Variants in KIF26B observed in about 807,000 individuals in gnomAD.
KIF26B encodes the protein kinesin-like protein KIF26B.
In KIF26B, 63 loss-of-function variants were observed where a neutral mutation model predicts 151.2. The ratio of observed to expected loss-of-function variants is 0.42; its 90% CI spans 0.34 to 0.51. The LOEUF (loss-of-function observed/expected upper bound fraction) is 0.51, where lower values mean the gene tolerates loss of function less well. Ranked by LOEUF, KIF26B falls within the 20% of genes least tolerant of loss-of-function variation. KIF26B has a pLI of 0.07. For missense variants in KIF26B, 2,813 were observed against 2,913.6 expected, an observed-to-expected ratio of 0.97 and a Z score of 0.79; for synonymous variants, 1,357 against 1,262.1, an observed-to-expected ratio of 1.08 and a Z score of -1.59.
At chr1:245,379,352 G>T (rs1673348752) in intron 3 of KIF26B, among the ~76,000 whole-genome samples, 2 of 152,106 alleles carry the variant, frequency 1.3e-5, no homozygotes. Flanking sequence ...GCAGCAAATA[G>T]ATTCGAATCA....
chr1:245,390,921 C>CAAAAA (rs796799193), intron 3 of KIF26B, among the ~76,000 whole-genome samples: 16 of 13,410 alleles, frequency 1.2e-3, no homozygotes, highest in East Asian at 4.0e-3. Context: ...GACCCTGTCT[C>CAAAAA]AAAAAAAAAA....
intron 2 of KIF26B, among the ~76,000 whole-genome samples, chr1:245,271,916 T>C (rs1293861338): frequency 6.6e-6 from 1 of 152,208 alleles, no homozygotes; most frequent in Admixed American, 6.5e-5. Context: ...AAGGAGAGTT[T>C]GAGAAGGATT....
intron 4 of KIF26B, among the ~76,000 whole-genome samples, chr1:245,499,945 G>C (rs1221556726): frequency 6.6e-6 from 1 of 152,194 alleles, no homozygotes; most frequent in South Asian, 2.1e-4. Flanking sequence ...TTTGCTGAGG[G>C]TTGGGCTGAG....
At chr1:245,226,512 G>C (rs1001371690) in intron 2 of KIF26B, among the ~76,000 whole-genome samples, 2 of 151,806 alleles carry the variant, frequency 1.3e-5, no homozygotes, top group Non-Finnish European at 2.9e-5. Flanking sequence ...GCCCAGGCTA[G>C]AGTGCAATGG....
intron 4 of KIF26B, among the ~76,000 whole-genome samples, chr1:245,461,391 C>T (rs1659641465): frequency 6.6e-6 from 1 of 151,946 alleles, no homozygotes; most frequent in Non-Finnish European, 1.5e-5. Flanking sequence ...AAGCAATGCC[C>T]CCACCTCAGC....
intron 4 of KIF26B, among the ~76,000 whole-genome samples, chr1:245,424,851 C>G (rs1179481568): frequency 6.6e-6 from 1 of 152,186 alleles, no homozygotes; most frequent in Non-Finnish European, 1.5e-5. Flanking sequence ...CTGTTCTGTG[C>G]TTTTCTTCCT....
chr1:245,351,933 G>A (rs1365293532), intron 2 of KIF26B, among the ~76,000 whole-genome samples: 2 of 152,216 alleles, frequency 1.3e-5, no homozygotes. Context: ...AAATTAGTGA[G>A]TGAAGAGGTA....
At chr1:245,697,991 T>C in intron 12 of KIF26B, 115 bp from the exon 13 acceptor site, 2 of 896,664 alleles carry the variant, frequency 2.2e-6, no homozygotes, top group Non-Finnish European at 3.4e-6. Context: ...CAGTGAGCTA[T>C]GGATCGCACC....
At chr1:245,612,101 TGTGTGAGA>T (rs1302985168) in intron 9 of KIF26B, 125 bp downstream of exon 9, 322 of 499,924 alleles carry the variant, frequency 6.4e-4, no homozygotes, top group East Asian at 1.1e-3. Flanking sequence ...TGTGTGTGTG[TGTGTGAGA>T]GAGAGAGAGA....
rs1672585480 is a variant in KIF26B at position 245,352,342 on chromosome 1, C to T, written c.466-14492C>T. Among the ~76,000 whole-genome samples the T allele has an allele frequency of 1.3e-5, 2 of 152,222 alleles. No individual in the cohort carries two copies. Among genetic ancestry groups the T allele is most frequent in the African/African-American group, 4.8e-5 (2 of 41,468 alleles). ...GCAATGGTGCGATCTCAGCTCACTG[C>T]AACCTCCGCCTCCCAGGCTCAAGCA... On this transcript the variant is annotated intron_variant, in intron 2 of 14. Coordinates refer to ENST00000407071, the MANE Select transcript of KIF26B (RefSeq NM_018012.4). This position sits in a 1 kb window ranked among gnomAD's most constrained non-coding sequence, Gnocchi z 5.0.
intron 5 of KIF26B, among the ~76,000 whole-genome samples, chr1:245,593,268 C>T (rs942598719): frequency 3.0e-4 from 46 of 152,192 alleles, no homozygotes; most frequent in African/African-American, 1.1e-3. Context: ...GTTTGCTGCA[C>T]CCATCAACCC....
At chr1:245,616,431 G>A (rs2043591197) in intron 9 of KIF26B, among the ~76,000 whole-genome samples, 1 of 152,166 alleles carries the variant, frequency 6.6e-6, no homozygotes, top group Admixed American at 6.5e-5. Flanking sequence ...CGCGTGTACT[G>A]GGCACCTAAA....
chr1:245,273,332 C>T (rs375081009), intron 2 of KIF26B, among the ~76,000 whole-genome samples: 1 of 151,370 alleles, frequency 6.6e-6, no homozygotes, highest in South Asian at 2.1e-4. Flanking sequence ...GCCAGAGAAT[C>T]GCTTGAACCC....
intron 2 of KIF26B, among the ~76,000 whole-genome samples, chr1:245,202,108 C>A (rs1184922788): frequency 6.6e-6 from 1 of 152,158 alleles, no homozygotes; most frequent in Non-Finnish European, 1.5e-5. Context: ...GAGGACTTGG[C>A]CATTTGTACC....
intron 2 of KIF26B, among the ~76,000 whole-genome samples, chr1:245,365,633 TA>T (rs1672931102): frequency 6.6e-6 from 1 of 152,024 alleles, no homozygotes; most frequent in Non-Finnish European, 1.5e-5. Context: ...TAGAGGTAAA[TA>T]AGCCTTGAGA....
chr1:245,592,574 A>G (rs2043300107), intron 5 of KIF26B, among the ~76,000 whole-genome samples: 1 of 152,190 alleles, frequency 6.6e-6, no homozygotes, highest in African/African-American at 2.4e-5. Flanking sequence ...GGTGTTGCTG[A>G]TGGATGATTG....
intron 4 of KIF26B, among the ~76,000 whole-genome samples, chr1:245,451,880 A>G (rs948062471): frequency 5.3e-5 from 8 of 152,122 alleles, no homozygotes; most frequent in African/African-American, 1.9e-4. Context: ...GATTACAGGT[A>G]TGAGCCACCA....
At chr1:245,338,096 C>A (rs572700771) in intron 2 of KIF26B, among the ~76,000 whole-genome samples, 1 of 152,152 alleles carries the variant, frequency 6.6e-6, no homozygotes, top group African/African-American at 2.4e-5. Context: ...CTATGTCATG[C>A]GGCATGGAAT....
intron 5 of KIF26B, among the ~76,000 whole-genome samples, chr1:245,565,704 C>T (rs949162752): frequency 1.1e-4 from 16 of 152,192 alleles, no homozygotes; most frequent in Admixed American, 3.3e-4. Flanking sequence ...CTGAAATATA[C>T]GCACATGGGA....
Sources: allele counts gnomAD v4.1 joint callset (sites outside exome capture counted in the v4.1 genomes callset), GRCh38; gene constraint gnomAD v4.1.1; non-coding constraint Gnocchi (gnomAD v3.1); transcripts MANE v1.5; gene names NCBI Gene and HGNC (gene_info 2026-07-23, HGNC 2026-07-21).